SDK2: variants seen among roughly 807,000 people sequenced by gnomAD.
SDK2 encodes the protein sidekick cell adhesion molecule 2, also known as protein sidekick-2.
In SDK2, 105 loss-of-function variants were observed where a neutral mutation model predicts 253.9. The ratio of observed to expected loss-of-function variants is 0.41; its 90% CI spans 0.35 to 0.49. The LOEUF is 0.49. SDK2 is among the 20% of genes least tolerant of loss of function. The probability of loss-of-function intolerance (pLI) is 0.06; values close to 1 mark genes in which losing one functional copy is unlikely to be tolerated. For missense variants in SDK2, 2,608 were observed against 3,003.0 expected (o/e 0.87, Z 3.07); for synonymous variants, 1,249 against 1,234.9 (o/e 1.01, Z -0.24).
At chr17:73,397,637 T>C (rs1184094816) in intron 24 of SDK2, among the ~76,000 whole-genome samples, 2 of 152,126 alleles carry the variant, frequency 1.3e-5, no homozygotes, top group African/African-American at 4.8e-5. Flanking sequence ...CTGGGGACAC[T>C]CTCTGAATGC....
rs2062530496 is a variant in SDK2, at chr17:73,350,749, C to T, written c.5800G>A (p.Val1934Met). Reference protein sequence around the residue: ...NPFYEEWWFLVVIALVGLIFI... With the variant: ...NPFYEEWWFLMVIALVGLIFI... ...ATGAGGCCGACCAGGGCAATGACCA[C>T]CAAGAACCACCACTCCTCATAGAAG... Residue 1934 changes from valine to methionine, a missense_variant, in exon 42 of 45, where the codon GTG (valine) becomes ATG (methionine). Around this residue, in one of 2 missense-constraint regions of SDK2, gnomAD observed 1,103 missense variants for 1,143.9 expected, o/e 0.96. Transcript: ENST00000392650. 1.2e-6 allele frequency: 2 copies of T among 1,613,462 alleles called. No homozygotes were observed. The highest frequency in any genetic ancestry group is 8.5e-7 in the Non-Finnish European group (1 of 1,179,718).
At chr17:73,615,920 CATAT>C (rs2046048932) in intron 1 of SDK2, among the ~76,000 whole-genome samples, 2 of 152,148 alleles carry the variant, frequency 1.3e-5, no homozygotes, top group East Asian at 1.9e-4. Flanking sequence ...CAGTCACATA[CATAT>C]ATACACAAAT....
chr17:73,390,606 T>A, intron 28 of SDK2, 125 bp from the exon 29 acceptor site: 1 of 1,005,400 alleles, frequency 9.9e-7, no homozygotes, highest in Non-Finnish European at 1.4e-6. Flanking sequence ...GTGGTCCCTT[T>A]GGCTGTGGTC....
intron 1 of SDK2, among the ~76,000 whole-genome samples, chr17:73,600,638 C>T (rs925213324): frequency 2.0e-5 from 3 of 152,310 alleles, no homozygotes; most frequent in East Asian, 3.9e-4. Context: ...TCCTCTCCTG[C>T]TCTGCGACAG....
chr17:73,617,211 A>AGGAGGGGAGAGGGCTCCCGCAGAGG (rs1567875892), intron 1 of SDK2, among the ~76,000 whole-genome samples: 1 of 77,292 alleles, frequency 1.3e-5, no homozygotes, highest in African/African-American at 5.1e-5. Flanking sequence ...TCCTGCAGAG[A>AGGAGGGGAGAGGGCTCCCGCAGAGG]GGAGGGGAGA....
At chr17:73,593,633 C>G (rs2045715090) in intron 1 of SDK2, among the ~76,000 whole-genome samples, 3 of 152,242 alleles carry the variant, frequency 2.0e-5, no homozygotes, top group Non-Finnish European at 2.9e-5. Context: ...AGTGCCCCCC[C>G]AAAGTGTGCC....
chr17:73,472,714 C>A (rs2063661200), intron 2 of SDK2, among the ~76,000 whole-genome samples: 3 of 152,202 alleles, frequency 2.0e-5, no homozygotes, highest in Admixed American at 2.0e-4. Flanking sequence ...CCCTGATGCC[C>A]ACCCAAATCT....
At chr17:73,356,519 G>A (rs749758683) in intron 40 of SDK2, among the ~76,000 whole-genome samples, 44 of 152,302 alleles carry the variant, frequency 2.9e-4, no homozygotes, top group Middle Eastern at 3.4e-3. Flanking sequence ...TGCCTAGCAC[G>A]AAGCACAAGC....
intron 12 of SDK2, among the ~76,000 whole-genome samples, 160 bp from the exon 13 acceptor site, chr17:73,424,252 T>C (rs1366859776): frequency 1.3e-5 from 2 of 152,066 alleles, no homozygotes; most frequent in Non-Finnish European, 2.9e-5. Context: ...CGGGACACTG[T>C]TGAAGGCCAA....
In SDK2 at chr17:73,455,390, A is replaced by G. The variant is rs1456466849; in HGVS notation, c.479+516T>C. ...GGCACACAGAGACGGCCTTGTGAAC[A>G]CTCAGAGGCCTGTGTGTTTCTCTGC... On this transcript the variant is annotated intron_variant, in intron 4 of 44. Coordinates refer to ENST00000392650, the MANE Select transcript of SDK2 (RefSeq NM_001144952.2). This position sits in a 1 kb window ranked among gnomAD's most constrained non-coding sequence, Gnocchi z 5.0. Among the ~76,000 whole-genome samples, 2 of 151,882 alleles carry G rather than the reference A, an allele frequency of 1.3e-5. No homozygotes were observed. The highest frequency in any genetic ancestry group is 3.9e-4 in the East Asian group (2 of 5,174).
intron 2 of SDK2, among the ~76,000 whole-genome samples, chr17:73,493,851 C>A (rs1372927336): frequency 6.6e-6 from 1 of 152,206 alleles, no homozygotes; most frequent in Non-Finnish European, 1.5e-5. Flanking sequence ...CATCGCCCTG[C>A]CTGCCCCAGC....
intron 1 of SDK2, among the ~76,000 whole-genome samples, chr17:73,633,823 C>G (rs1278164189): frequency 1.3e-5 from 2 of 151,920 alleles, no homozygotes; most frequent in Non-Finnish European, 2.9e-5. Flanking sequence ...AGCTGGAAGT[C>G]AGGGACGGCT....
Position 73,447,649 on chromosome 17 carries a change from G to A in SDK2, c.579C>T (p.Asn193=). ...TGAGCGTGATGGGCTGGCTGGTCTTGTTATCCCCGTTTTTGTCGTTAACAG... is the reference window on the plus strand; with the variant it reads ...TGAGCGTGATGGGCTGGCTGGTCTTATTATCCCCGTTTTTGTCGTTAACAG... The part of the protein sequence containing the change: ...VQAVNDKNGD[N]KTSQPITLTV... Residue 193 remains asparagine (N), a synonymous_variant, in exon 5 of 45, where the codon AAC becomes AAT. Coordinates refer to ENST00000392650, the MANE Select transcript of SDK2 (RefSeq NM_001144952.2). The surrounding 1 kb of genome is among the most constrained non-coding windows in gnomAD (Gnocchi z 4.0). 1 of 1,551,826 alleles carries A rather than the reference G, an allele frequency of 6.4e-7. No homozygotes were observed. The highest frequency in any genetic ancestry group is 8.7e-7 in the Non-Finnish European group (1 of 1,147,034).
At chr17:73,393,283 G>A (rs1188508126) in intron 27 of SDK2, among the ~76,000 whole-genome samples, 1 of 151,190 alleles carries the variant, frequency 6.6e-6, no homozygotes, top group African/African-American at 2.4e-5. Context: ...AATTAAAACG[G>A]GTGCAAGTCC....
In SDK2 at chr17:73,395,195, C is replaced by T; in HGVS notation, c.3552G>A (p.Gly1184=). 6.2e-7 allele frequency: 1 copy of T among 1,608,620 alleles called. No homozygotes were observed. Among genetic ancestry groups the T allele is most frequent in the African/African-American group, 1.3e-5 (1 of 74,906 alleles). The change falls in exon 25 of 45, where the codon GGG becomes GGA. Residue 1184 remains glycine (G), a synonymous_variant. Coordinates refer to ENST00000392650, the MANE Select transcript of SDK2 (RefSeq NM_001144952.2). The surrounding 1 kb of genome is among the most constrained non-coding windows in gnomAD (Gnocchi z 4.3). ...QVQAFNAIGS[G]PWSQTVVGRT... The stretch of plus-strand genomic sequence containing the variant: ...TGCCCACCACCGTCTGGCTCCAGGG[C>T]CCGCTCCCGATGGCGTTGAAGGCCT...
intron 12 of SDK2, among the ~76,000 whole-genome samples, chr17:73,426,785 T>C (rs12936920): frequency 0.47 from 71,959 of 152,002 alleles, 17,993 homozygotes; most frequent in East Asian, 0.61. Flanking sequence ...GTAATTCCCA[T>C]GTAAGAAATA....
chr17:73,476,778 G>A (rs2145702946), intron 2 of SDK2, among the ~76,000 whole-genome samples: 1 of 152,288 alleles, frequency 6.6e-6, no homozygotes, highest in African/African-American at 2.4e-5. Flanking sequence ...CTTCAGCCAG[G>A]AATACCCAGG....
At position 73,435,496 on chromosome 17, in the gene SDK2, G is replaced by A. The variant is rs1469296204; in HGVS notation, c.1149C>T (p.Arg383=). ...DDTGMFQCFA[R]NAAGEVQTST... ...AAGTTTGCACCTCGCCGGCTGCATT[G>A]CGGGCGAAGCACTGGAACATGCCGG... Residue 383 remains arginine (R), a synonymous_variant, in exon 9 of 45, where the codon CGC becomes CGT. Transcript: ENST00000392650. This position sits in a 1 kb window ranked among gnomAD's most constrained non-coding sequence, Gnocchi z 5.7. 1.9e-6 allele frequency: 3 copies of A among 1,600,724 alleles called. No homozygotes were observed. In the Admixed American group the frequency reaches 5.1e-5, roughly 27 times the overall value.
In SDK2 at chr17:73,377,883, A is replaced by G. The variant is rs186270071; in HGVS notation, c.4980+1294T>C. Among the ~76,000 whole-genome samples the G allele has an allele frequency of 2.0e-3, 300 of 152,226 alleles. 1 individual carries two copies. The highest frequency in any genetic ancestry group is 7.1e-3 in the African/African-American group (295 of 41,532). ...CGCCTTGGCCTCCCAAAGTGTTGGG[A>G]TTACAGGTGTGAGCCACCGCACCCG... is the stretch of plus-strand genomic sequence containing the variant. On this transcript the variant is annotated intron_variant, in intron 36 of 44. Coordinates refer to ENST00000392650, the MANE Select transcript of SDK2 (RefSeq NM_001144952.2).
Sources: gnomAD v4.1 joint callset for allele counts (sites outside exome capture counted in the v4.1 genomes callset) on GRCh38, gnomAD v4.1.1 for gene constraint, gnomAD v4.1.1 regional missense constraint, Gnocchi (gnomAD v3.1) non-coding constraint, MANE v1.5 for transcripts, NCBI Gene and HGNC (gene_info 2026-07-23, HGNC 2026-07-21) for gene names.